COP1: variants seen among roughly 807,000 people sequenced by gnomAD.
COP1 encodes the protein E3 ubiquitin-protein ligase COP1.
COP1 carries 24 observed loss-of-function variants against 101.3 expected under a neutral mutation model. The observed-to-expected ratio is 0.24, with a 90% CI of 0.17 to 0.33. COP1 has a LOEUF of 0.33. Ranked by LOEUF, COP1 falls within the 10% of genes least tolerant of loss-of-function variation. The pLI is 1.00. For missense variants in COP1, 663 were observed against 906.2 expected (o/e 0.73, Z 3.45); for synonymous variants, 347 against 341.9 (o/e 1.01, Z -0.17).
intron 1 of COP1, among the ~76,000 whole-genome samples, chr1:176,200,607 T>C (rs923316825): frequency 5.8e-4 from 86 of 148,546 alleles, no homozygotes; most frequent in African/African-American, 2.2e-3. Flanking sequence ...CTGCATTCTA[T>C]GTTTCACTTT....
chr1:175,997,993 GCCAAC>G (rs1660608648), intron 15 of COP1, among the ~76,000 whole-genome samples: 1 of 144,328 alleles, frequency 6.9e-6, no homozygotes, highest in South Asian at 2.2e-4. Flanking sequence ...AAGACTTGGA[GCCAAC>G]CCAAAAGTCC....
intron 15 of COP1, among the ~76,000 whole-genome samples, chr1:176,005,873 T>C (rs1212565490): frequency 6.6e-6 from 1 of 152,184 alleles, no homozygotes; most frequent in South Asian, 2.1e-4. Context: ...GTCCGCTTGG[T>C]GCAGAGCTGA....
At chr1:176,121,541 G>A (rs936383750) in intron 8 of COP1, among the ~76,000 whole-genome samples, 4 of 151,908 alleles carry the variant, frequency 2.6e-5, no homozygotes, top group African/African-American at 4.8e-5. Flanking sequence ...TTAGAGGTAC[G>A]ATCTCACTCT....
chr1:175,994,999 A>G (rs972016050), intron 15 of COP1, among the ~76,000 whole-genome samples: 4 of 152,214 alleles, frequency 2.6e-5, no homozygotes, highest in Admixed American at 6.5e-5. Flanking sequence ...TTGGAAGTAA[A>G]GCTCTCCTCA....
intron 8 of COP1, among the ~76,000 whole-genome samples, chr1:176,126,402 T>C (rs572562768): frequency 6.6e-5 from 10 of 152,306 alleles, no homozygotes; most frequent in African/African-American, 2.2e-4. Context: ...CTATAACCAG[T>C]TCATTGAAGG....
intron 14 of COP1, among the ~76,000 whole-genome samples, chr1:176,039,037 C>T (rs949116564): frequency 6.6e-6 from 1 of 152,080 alleles, no homozygotes; most frequent in Admixed American, 6.5e-5. Context: ...TTCTCAGGCT[C>T]ATATGGAACT....
intron 1 of COP1, among the ~76,000 whole-genome samples, chr1:176,196,238 A>G (rs1572800924): frequency 6.6e-6 from 1 of 152,322 alleles, no homozygotes; most frequent in South Asian, 2.1e-4. Flanking sequence ...CCAAGTTAGC[A>G]GAAGAAATTT....
rs150552423 is a variant in COP1, at chr1:176,165,969, T to C, written c.566-2078A>G. On this transcript the variant is annotated intron_variant, in intron 3 of 19. Transcript: ENST00000367669. ...ATGAATTTAACCATTTGAAGAAAAATAGTGACTGTTAAATACTTTACATGA... is the reference window on the plus strand; with the variant it reads ...ATGAATTTAACCATTTGAAGAAAAACAGTGACTGTTAAATACTTTACATGA... Among the ~76,000 whole-genome samples the C allele has an allele frequency of 2.7e-3, 406 of 152,176 alleles. 3 individuals carry two copies. Among genetic ancestry groups the C allele is most frequent in the African/African-American group, 9.3e-3 (388 of 41,520 alleles).
At chr1:176,109,404 T>C (rs540344942) in intron 9 of COP1, among the ~76,000 whole-genome samples, 2 of 152,350 alleles carry the variant, frequency 1.3e-5, no homozygotes, top group African/African-American at 4.8e-5. Context: ...ACCACTGATC[T>C]ACATGACCAC....
At chr1:176,016,886 T>G (rs1665759048) in intron 15 of COP1, among the ~76,000 whole-genome samples, 1 of 152,156 alleles carries the variant, frequency 6.6e-6, no homozygotes, top group South Asian at 2.1e-4. Flanking sequence ...TAGGAACACA[T>G]TAGGTAAATG....
At chr1:176,136,995 G>A (rs965811195) in intron 6 of COP1, among the ~76,000 whole-genome samples, 22 of 151,592 alleles carry the variant, frequency 1.5e-4, no homozygotes, top group Admixed American at 1.1e-3. Context: ...CAATCTGCCC[G>A]CCTCAGCCTC....
intron 11 of COP1, among the ~76,000 whole-genome samples, chr1:176,079,798 G>A (rs2149391001): frequency 6.6e-6 from 1 of 152,286 alleles, no homozygotes; most frequent in South Asian, 2.1e-4. Flanking sequence ...GTGGGTGATG[G>A]TTATGTGAGG....
intron 6 of COP1, among the ~76,000 whole-genome samples, chr1:176,141,158 T>A (rs145434602): frequency 6.6e-6 from 1 of 152,304 alleles, no homozygotes; most frequent in Non-Finnish European, 1.5e-5. Flanking sequence ...TGTTCCAAAC[T>A]GAACAAAAGA....
At chr1:176,071,692 C>T (rs1423100672) in intron 11 of COP1, among the ~76,000 whole-genome samples, 2 of 152,188 alleles carry the variant, frequency 1.3e-5, no homozygotes, top group Admixed American at 6.5e-5. Context: ...TCTACCTCAG[C>T]ACACTGCTGA....
At chr1:176,076,827 GATT>G (rs1678118602) in intron 11 of COP1, among the ~76,000 whole-genome samples, 1 of 152,112 alleles carries the variant, frequency 6.6e-6, no homozygotes, top group South Asian at 2.1e-4. Context: ...GATTCTCAGA[GATT>G]ATTATGAACA....
chr1:176,036,863 T>C (rs1335220190), intron 14 of COP1, among the ~76,000 whole-genome samples: 1 of 152,230 alleles, frequency 6.6e-6, no homozygotes, highest in Non-Finnish European at 1.5e-5. Flanking sequence ...ATGGACTTAT[T>C]GGGACTGTAA....
chr1:176,191,177 AAC>A (rs1478493636), intron 1 of COP1, among the ~76,000 whole-genome samples: 1 of 152,066 alleles, frequency 6.6e-6, no homozygotes, highest in South Asian at 2.1e-4. Flanking sequence ...TACATGAAAA[AAC>A]AGACTCGAAA....
chr1:176,196,760 C>A (rs768468146), intron 1 of COP1, among the ~76,000 whole-genome samples: 3 of 151,994 alleles, frequency 2.0e-5, no homozygotes, highest in Non-Finnish European at 4.4e-5. Context: ...CCAGCACTGG[C>A]CAGGCACAGT....
At chr1:176,027,815 A>G in intron 14 of COP1, 127 bp from the exon 15 acceptor site, 1 of 641,178 alleles carries the variant, frequency 1.6e-6, no homozygotes, top group Admixed American at 2.5e-5. Flanking sequence ...CATTTGGTTT[A>G]CTAGGACTAA....
Sources: gnomAD v4.1 joint callset for allele counts (sites outside exome capture counted in the v4.1 genomes callset) on GRCh38, gnomAD v4.1.1 for gene constraint, MANE v1.5 for transcripts, NCBI Gene and HGNC (gene_info 2026-07-23, HGNC 2026-07-21) for gene names.